ACP3: variants seen among roughly 807,000 people sequenced by gnomAD.
The protein encoded by ACP3 is acid phosphatase 3, also known as prostatic acid phosphatase.
ACP3 carries 38 observed loss-of-function variants against 45.6 expected under a neutral mutation model. The observed-to-expected ratio is 0.83, with a 90% CI of 0.64 to 1.09. ACP3 has a LOEUF of 1.09. Ranked by LOEUF, ACP3 falls within the 50% of genes least tolerant of loss-of-function variation. The pLI is 0.00. For synonymous variants in ACP3, 162 were observed against 164.7 expected, an observed-to-expected ratio of 0.98 and a Z score of 0.13; for missense variants, 466 against 463.2, an observed-to-expected ratio of 1.01 and a Z score of -0.05.
intron 7 of ACP3, 58 bp downstream of exon 7, chr3:132,345,117 G>A: frequency 6.7e-7 from 1 of 1,490,394 alleles, no homozygotes; most frequent in Admixed American, 1.9e-5. Context: ...ATCCAGGTCT[G>A]AGTCATTCCC....
intron 8 of ACP3, 53 bp from the exon 9 acceptor site, chr3:132,352,667 A>G: frequency 8.0e-7 from 1 of 1,246,484 alleles, no homozygotes; most frequent in Non-Finnish European, 1.2e-6. Flanking sequence ...AGTGCTTCAT[A>G]CCTATTGAAT....
chr3:132,330,296 C>T (rs1937377516), intron 2 of ACP3, among the ~76,000 whole-genome samples: 1 of 152,050 alleles, frequency 6.6e-6, no homozygotes, highest in Non-Finnish European at 1.5e-5. Context: ...TTTAATCTGC[C>T]TTGTCTAGGT....
Position 132,321,435 on chromosome 3 carries a change from C to CAAG in ACP3, c.120+3859_120+3860insAAG, listed in dbSNP as rs755383301. Among the ~76,000 whole-genome samples, 11 of 152,276 alleles carry CAAG rather than the reference C, an allele frequency of 7.2e-5. No individual in the cohort carries two copies. The East Asian group carries it at 1.3e-3, about 19-fold the overall frequency. ...ATCTCTCTCCCTTGCTGTATGGCTC[C>CAAG]TAATCACTGTATCCAAGGAACAGCC... is the stretch of plus-strand genomic sequence containing the variant. On this transcript the variant is annotated intron_variant, in intron 1 of 9. Coordinates refer to ENST00000336375, the MANE Select transcript of ACP3 (RefSeq NM_001099.5).
intron 3 of ACP3, among the ~76,000 whole-genome samples, 171 bp from the exon 4 acceptor site, chr3:132,332,021 T>C (rs562132350): frequency 6.6e-6 from 1 of 152,352 alleles, no homozygotes; most frequent in Admixed American, 6.5e-5. Flanking sequence ...CTTTGTACCA[T>C]GATCATAATA....
chr3:132,341,686 T>G (rs1937554580), intron 5 of ACP3, among the ~76,000 whole-genome samples: 1 of 152,232 alleles, frequency 6.6e-6, no homozygotes, highest in African/African-American at 2.4e-5. Flanking sequence ...TAGAATAATT[T>G]ACTCTTGAAA....
chr3:132,332,563 T>G, intron 4 of ACP3: 1 of 530,352 alleles, frequency 1.9e-6, no homozygotes, highest in Non-Finnish European at 3.3e-6. Flanking sequence ...ATCCACTTTG[T>G]TTTGCCACTC....
intron 4 of ACP3, among the ~76,000 whole-genome samples, chr3:132,333,869 G>A (rs546152572): frequency 1.3e-5 from 2 of 152,078 alleles, no homozygotes; most frequent in Non-Finnish European, 2.9e-5. Context: ...TCAGGAGTTC[G>A]AGACCAGCCT....
At chr3:132,366,808 A>G (rs60607509) in intron 10 of ACP3, among the ~76,000 whole-genome samples, 12,914 of 152,236 alleles carry the variant, frequency 0.085, 1,243 homozygotes, top group East Asian at 0.51. Context: ...TCCCAACCCC[A>G]ATACAATTAT....
chr3:132,324,639 T>A (rs917594641), intron 1 of ACP3, among the ~76,000 whole-genome samples: 2 of 152,120 alleles, frequency 1.3e-5, no homozygotes, highest in Non-Finnish European at 2.9e-5. Flanking sequence ...TATTATTTTT[T>A]TTTATTTTTA....
intron 9 of ACP3, 89 bp downstream of exon 9, chr3:132,352,912 G>C: frequency 6.5e-6 from 6 of 928,838 alleles, no homozygotes; most frequent in Non-Finnish European, 1.0e-5. Flanking sequence ...GTGCCTGTTT[G>C]TCTTTGATTT....
chr3:132,345,173 T>C, intron 7 of ACP3, 114 bp downstream of exon 7: 5 of 950,432 alleles, frequency 5.3e-6, no homozygotes, highest in Non-Finnish European at 7.8e-6. Context: ...TTAATCACTC[T>C]TGCACCAGCT....
intron 2 of ACP3, among the ~76,000 whole-genome samples, chr3:132,329,848 T>A (rs1208907481): frequency 6.6e-6 from 1 of 151,902 alleles, no homozygotes; most frequent in Non-Finnish European, 1.5e-5. Context: ...ACAATGGCAC[T>A]GGTACATGGA....
In ACP3 at chr3:132,357,043, C is replaced by G; in HGVS notation, c.*165C>G. The G allele has an allele frequency of 1.5e-6, 2 of 1,376,324 alleles. No individual in the cohort carries two copies. Among genetic ancestry groups the G allele is most frequent in the Non-Finnish European group, 1.9e-6 (2 of 1,067,856 alleles). 85.3% of individuals were successfully genotyped at this position (1,376,324 alleles called of 1,614,324 possible). A position where few individuals can be genotyped will look rare whatever the true frequency, so the allele number is the denominator to read the frequency against. On this transcript the variant is annotated 3_prime_UTR_variant, in exon 10 of 10. Coordinates refer to ENST00000336375, the MANE Select transcript of ACP3 (RefSeq NM_001099.5). ...CCTCAGGCAATTCCTACCTCTTCAC[C>G]TGACCCTGCCCCCACTTGCCATAAA... is the stretch of plus-strand genomic sequence containing the variant.
intron 4 of ACP3, among the ~76,000 whole-genome samples, chr3:132,335,195 G>T (rs914618400): frequency 6.6e-6 from 1 of 152,088 alleles, no homozygotes; most frequent in African/African-American, 2.4e-5. Context: ...TAGACTAAAA[G>T]CAATGGACAC....
chr3:132,328,151 AC>A, intron 1 of ACP3, 115 bp from the exon 2 acceptor site: 1 of 694,598 alleles, frequency 1.4e-6, no homozygotes, highest in Non-Finnish European at 2.4e-6. Context: ...TTACGTGATT[AC>A]AATGGGAAGC....
chr3:132,342,488 A>C, intron 5 of ACP3, 64 bp from the exon 6 acceptor site: 1 of 1,177,712 alleles, frequency 8.5e-7, no homozygotes, highest in South Asian at 1.3e-5. Flanking sequence ...CTGGCCCAAA[A>C]TATCAATAAT....
chr3:132,349,982 A>G lies in ACP3; in HGVS notation c.844A>G (p.Lys282Glu). Residue 282 changes from lysine to glutamate, a missense_variant, in exon 8 of 10, where the codon AAA becomes GAA. Coordinates refer to ENST00000336375, the MANE Select transcript of ACP3 (RefSeq NM_001099.5). ...KRATQIPSYK[K>E]LIMYSAHDTT... is the part of the protein sequence containing the mutation. ...AGCAACTCAGATACCAAGCTACAAA[A>G]AACTCATCATGTATTCTGCGGTAAG... is the stretch of plus-strand genomic sequence containing the variant. 1 of 1,609,460 alleles carries G rather than the reference A, an allele frequency of 6.2e-7. No homozygotes were observed.
chr3:132,325,712 G>A (rs1937287790), intron 1 of ACP3, among the ~76,000 whole-genome samples: 1 of 152,196 alleles, frequency 6.6e-6, no homozygotes, highest in Admixed American at 6.5e-5. Flanking sequence ...GTGGGACTGT[G>A]AGGAGTGTGA....
At chr3:132,356,238 G>A (rs1937892168) in intron 9 of ACP3, among the ~76,000 whole-genome samples, 1 of 152,118 alleles carries the variant, frequency 6.6e-6, no homozygotes, top group African/African-American at 2.4e-5. Flanking sequence ...AAGGAGAGGG[G>A]AGATACATTC....
Sources: gnomAD v4.1 joint callset for allele counts (sites outside exome capture counted in the v4.1 genomes callset) on GRCh38, gnomAD v4.1.1 for gene constraint, MANE v1.5 for transcripts, NCBI Gene and HGNC (gene_info 2026-07-23, HGNC 2026-07-21) for gene names.